The following LMO1 variants were observed in gnomAD, a reference collection of about 807,000 sequenced individuals.
LMO1 encodes LIM domain only 1.
Under a neutral mutation model 18.0 loss-of-function variants are expected in LMO1, and 10 were observed. That is an observed-to-expected ratio of 0.55 (90% CI 0.34 to 0.94). The LOEUF (loss-of-function observed/expected upper bound fraction) is 0.94, where lower values mean the gene tolerates loss of function less well. Among genes scored for constraint, LMO1 ranks in the 40% least tolerant of loss-of-function variants. The pLI is 0.02. For synonymous variants in LMO1, 77 were observed against 77.9 expected (o/e 0.99, Z 0.06); for missense variants, 183 against 205.7 (o/e 0.89, Z 0.68).
intron 1 of LMO1, among the ~76,000 whole-genome samples, chr11:8,236,142 G>A (rs1457262735): frequency 6.6e-6 from 1 of 152,078 alleles, no homozygotes; most frequent in Admixed American, 6.5e-5. Context: ...GACAGCTCCA[G>A]GACCCTCTGG....
At chr11:8,230,912 A>G (rs1057141711) in intron 1 of LMO1, among the ~76,000 whole-genome samples, 1 of 152,234 alleles carries the variant, frequency 6.6e-6, no homozygotes, top group Non-Finnish European at 1.5e-5. Context: ...TAGTCTCCTC[A>G]GGCCCACGAG....
upstream of LMO1, among the ~76,000 whole-genome samples, chr11:8,268,009 G>T (rs1216099756): frequency 6.6e-6 from 1 of 152,248 alleles, no homozygotes; most frequent in Non-Finnish European, 1.5e-5. Flanking sequence ...TCCGCAGTAG[G>T]GTGCGGAAGG....
intron 1 of LMO1, among the ~76,000 whole-genome samples, chr11:8,248,754 A>G (rs75521839): frequency 0.04 from 6,073 of 152,286 alleles, 194 homozygotes; most frequent in African/African-American, 0.086. Flanking sequence ...TTACAGACAG[A>G]TCAGAGGAGG....
At position 8,255,818 on chromosome 11, in the gene LMO1, C is replaced by CTTTTTTT. The variant is rs57425549; in HGVS notation, c.25+7513_25+7519dup. 1.9e-3 allele frequency among the ~76,000 whole-genome samples: 165 copies of CTTTTTTT among 86,364 alleles called. 8 individuals carry two copies. The highest frequency in any genetic ancestry group is 0.015 in the Middle Eastern group (1 of 68). The allele number at this position is 86,364 out of a possible 152,430, so 56.7% of individuals were successfully genotyped here. A position where few individuals can be genotyped will look rare whatever the true frequency, so the allele number is the denominator to read the frequency against. ...TACATACAGATAGCACAATGCCGCACTTTTTTTTTTTTTTTTTTTTTTTTT... is the reference window on the plus strand; with the variant it reads ...TACATACAGATAGCACAATGCCGCACTTTTTTTTTTTTTTTTTTTTTTTTTTTTTTTT... On this transcript the variant is annotated intron_variant, in intron 1 of 3. Coordinates refer to ENST00000335790, the MANE Select transcript of LMO1 (RefSeq NM_002315.3).
At chr11:8,267,346 G>C (rs1442450992), upstream of LMO1, among the ~76,000 whole-genome samples, 3 of 152,356 alleles carry the variant, frequency 2.0e-5, no homozygotes, top group East Asian at 5.8e-4. Context: ...TCACTATAGT[G>C]AGTGGTGGTA....
chr11:8,233,036 G>A (rs1033356446), intron 1 of LMO1, among the ~76,000 whole-genome samples: 10 of 152,332 alleles, frequency 6.6e-5, no homozygotes, highest in Admixed American at 3.9e-4. Context: ...GCCAGCCGCC[G>A]CAGGTCCCCC....
intron 1 of LMO1, among the ~76,000 whole-genome samples, chr11:8,256,564 C>A (rs1015559704): frequency 6.6e-6 from 1 of 152,232 alleles, no homozygotes; most frequent in African/African-American, 2.4e-5. Context: ...CTCACACCAC[C>A]TGCTTTTAAT....
At chr11:8,235,639 G>A (rs998970870) in intron 1 of LMO1, among the ~76,000 whole-genome samples, 2 of 152,122 alleles carry the variant, frequency 1.3e-5, no homozygotes, top group African/African-American at 2.4e-5. Flanking sequence ...ATTCCTAAAC[G>A]TTTCTTTTGT....
At chr11:8,263,140 C>T (rs1847216856) in intron 1 of LMO1, among the ~76,000 whole-genome samples, 198 bp downstream of exon 1, 1 of 151,378 alleles carries the variant, frequency 6.6e-6, no homozygotes, top group Non-Finnish European at 1.5e-5. Context: ...CGGGGCTCGA[C>T]CTCCTCCCCC....
intron 1 of LMO1, among the ~76,000 whole-genome samples, chr11:8,244,689 C>T (rs1846864896): frequency 6.6e-6 from 1 of 152,222 alleles, no homozygotes; most frequent in Non-Finnish European, 1.5e-5. Flanking sequence ...GTCATGTGAG[C>T]CCCCCTCTCA....
At chr11:8,261,166 C>G (rs920636464) in intron 1 of LMO1, among the ~76,000 whole-genome samples, 5 of 152,116 alleles carry the variant, frequency 3.3e-5, no homozygotes, top group Admixed American at 3.3e-4. Context: ...CTTAGGACAC[C>G]AGTGGATGTG....
upstream of LMO1, chr11:8,268,540 G>T (rs1391109865): frequency 1.5e-5 from 17 of 1,105,844 alleles, 1 homozygote; most frequent in East Asian, 3.7e-4. Context: ...TGCTCCCGCC[G>T]GCCCCGCGCG....
intron 3 of LMO1, among the ~76,000 whole-genome samples, chr11:8,225,382 G>A (rs1952517656): frequency 1.6e-5 from 2 of 124,760 alleles, no homozygotes; most frequent in South Asian, 5.8e-4. Flanking sequence ...TCCAACCTGG[G>A]CGACAGAGTA....
At chr11:8,248,535 C>T (rs1846934183) in intron 1 of LMO1, among the ~76,000 whole-genome samples, 1 of 152,264 alleles carries the variant, frequency 6.6e-6, no homozygotes, top group Non-Finnish European at 1.5e-5. Context: ...GCATAGTTCC[C>T]AGACTCCACA....
upstream of LMO1, among the ~76,000 whole-genome samples, chr11:8,267,301 A>G (rs931661724): frequency 1.3e-5 from 2 of 152,192 alleles, no homozygotes; most frequent in African/African-American, 4.8e-5. Context: ...TCAGTACTAA[A>G]ATTGAGATCG....
Position 8,224,536 on chromosome 11 carries a change from G to A in LMO1, c.*80C>T. 1 of 825,748 alleles carries A rather than the reference G, an allele frequency of 1.2e-6. No individual in the cohort carries two copies. Among genetic ancestry groups the A allele is most frequent in the Non-Finnish European group, 2.0e-6 (1 of 501,696 alleles). 51.2% of individuals were successfully genotyped at this position (825,748 alleles called of 1,614,324 possible). On this transcript the variant is annotated 3_prime_UTR_variant, in exon 4 of 4. Transcript: ENST00000335790. ...GAGAGCGGCTGGCCAGCCTGCACTG[G>A]TAGAGTGGCTGGCTGGCCGGCCAGG...
intron 1 of LMO1, among the ~76,000 whole-genome samples, chr11:8,232,744 A>G (rs1590529175): frequency 1.3e-5 from 2 of 152,154 alleles, no homozygotes; most frequent in African/African-American, 4.8e-5. Flanking sequence ...TTACCAGAAC[A>G]TGGGTGAATG....
chr11:8,260,858 G>T (rs1475818707), intron 1 of LMO1, among the ~76,000 whole-genome samples: 1 of 152,164 alleles, frequency 6.6e-6, no homozygotes, highest in East Asian at 1.9e-4. Context: ...GGTGCCGTAT[G>T]CAGGGAACGC....
upstream of LMO1, among the ~76,000 whole-genome samples, chr11:8,264,788 C>T (rs139365199): frequency 4.7e-3 from 716 of 152,232 alleles, 6 homozygotes; most frequent in African/African-American, 0.016. Flanking sequence ...CACACCACCA[C>T]GCCCAGCTAA....
Sources: allele counts gnomAD v4.1 joint callset (sites outside exome capture counted in the v4.1 genomes callset), GRCh38; gene constraint gnomAD v4.1.1; transcripts MANE v1.5; gene names NCBI Gene and HGNC (gene_info 2026-07-23, HGNC 2026-07-21).